Variants in PCDHGA2 observed in about 807,000 individuals in gnomAD.
The protein encoded by PCDHGA2 is protocadherin gamma subfamily A, 2.
Under a neutral mutation model 59.2 loss-of-function variants are expected in PCDHGA2, and 40 were observed. The ratio of observed to expected loss-of-function variants is 0.68; its 90% CI spans 0.52 to 0.88. The LOEUF is 0.88. PCDHGA2 is among the 40% of genes least tolerant of loss of function. PCDHGA2 has a pLI of 0.00. For missense variants in PCDHGA2, 1,226 were observed against 1,204.0 expected, an observed-to-expected ratio of 1.02 and a Z score of -0.27; for synonymous variants, 560 against 526.0, an observed-to-expected ratio of 1.06 and a Z score of -0.89.
chr5:141,467,715 G>C (rs904101145), intron 1 of PCDHGA2, among the ~76,000 whole-genome samples: 1 of 152,022 alleles, frequency 6.6e-6, no homozygotes, highest in Non-Finnish European at 1.5e-5. Flanking sequence ...AGGCTGGAGT[G>C]TAGTGGCACA....
chr5:141,384,191 C>T (rs376661364), intron 1 of PCDHGA2: 30 of 1,613,842 alleles, frequency 1.9e-5, no homozygotes, highest in Non-Finnish European at 2.5e-5. Context: ...GGAACTCCTC[C>T]CTTGTCCAGG....
At chr5:141,406,940 A>C (rs2094868445) in intron 1 of PCDHGA2, among the ~76,000 whole-genome samples, 1 of 152,212 alleles carries the variant, frequency 6.6e-6, no homozygotes, top group African/African-American at 2.4e-5. Context: ...ATTTAATGTT[A>C]TTTTAAACAT....
At chr5:141,428,100 G>C (rs1313410784) in intron 1 of PCDHGA2, 11 of 1,608,462 alleles carry the variant, frequency 6.8e-6, no homozygotes, top group Non-Finnish European at 9.3e-6. Context: ...GTCCTACCAC[G>C]TGCTGCAGGC....
intron 1 of PCDHGA2, chr5:141,423,381 G>T (rs2154550114): frequency 6.2e-7 from 1 of 1,614,204 alleles, no homozygotes; most frequent in East Asian, 2.2e-5. Flanking sequence ...TCAGGCTGTG[G>T]CGCTGGCATA....
intron 1 of PCDHGA2, chr5:141,376,296 C>T (rs769852070): frequency 1.2e-6 from 2 of 1,614,184 alleles, no homozygotes; most frequent in Non-Finnish European, 1.7e-6. Flanking sequence ...ATGCCCGGCT[C>T]GCACTTTGTG....
At chr5:141,479,619 T>C (rs1327758222) in intron 1 of PCDHGA2, 1 of 152,220 alleles carries the variant, frequency 6.6e-6, no homozygotes, top group Non-Finnish European at 1.5e-5. Flanking sequence ...AGGGAAACCA[T>C]GTCTCTTTAA....
chr5:141,487,864 C>A lies in PCDHGA2; in HGVS notation c.2425-6943C>A. On this transcript the variant is annotated intron_variant, in intron 1 of 3. Coordinates refer to ENST00000394576, the MANE Select transcript of PCDHGA2 (RefSeq NM_018915.4). The surrounding 1 kb of genome is among the most constrained non-coding windows in gnomAD (Gnocchi z 5.0). ...GTAAGAAATGAAAGTAATTGGTGAT[C>A]AAGAGCCAGGCTGTTGTGGAAGCAT... 1 of 899,610 alleles carries A rather than the reference C, an allele frequency of 1.1e-6. No individual in the cohort carries two copies. Among genetic ancestry groups the A allele is most frequent in the Non-Finnish European group, 1.7e-6 (1 of 599,584 alleles). The allele number at this position is 899,610 out of a possible 1,614,324, so 55.7% of individuals were successfully genotyped here.
Position 141,340,355 on chromosome 5 carries a change from C to G in PCDHGA2, c.1384C>G (p.Pro462Ala). 6.2e-7 allele frequency: 1 copy of G among 1,614,192 alleles called. No homozygotes were observed. The highest frequency in any genetic ancestry group is 8.5e-7 in the Non-Finnish European group (1 of 1,180,038). The change falls in exon 1 of 4, where the codon CCC becomes GCC. Residue 462 changes from proline (P) to alanine (A), a missense_variant. Coordinates refer to ENST00000394576, the MANE Select transcript of PCDHGA2 (RefSeq NM_018915.4). ...CCGCACATCCTACTCCACCTACATT[C>G]CCGAAAACAACCCCAGAGGAGCCTC... is the stretch of plus-strand genomic sequence containing the variant. ...FSRTSYSTYI[P>A]ENNPRGASVF... is the part of the protein sequence containing the mutation.
At chr5:141,341,711 A>G (rs573027340) in intron 1 of PCDHGA2, 28 of 494,704 alleles carry the variant, frequency 5.7e-5, no homozygotes, top group Admixed American at 1.5e-4. Context: ...CATCTCATCC[A>G]CCCAGATCAA....
intron 1 of PCDHGA2, chr5:141,378,636 G>A (rs1775063094): frequency 6.6e-6 from 1 of 152,168 alleles, no homozygotes; most frequent in African/African-American, 2.4e-5. Context: ...CTGGTGAATG[G>A]GAGAACAAAT....
intron 3 of PCDHGA2, 48 bp downstream of exon 3, chr5:141,505,529 T>C (rs1479433990): frequency 1.9e-6 from 3 of 1,612,066 alleles, no homozygotes; most frequent in Non-Finnish European, 2.5e-6. Context: ...CCTGGGGTTC[T>C]GGGGTGCATC....
In PCDHGA2 at chr5:141,487,869, G is replaced by T; in HGVS notation, c.2425-6938G>T. On this transcript the variant is annotated intron_variant, in intron 1 of 3. Transcript: ENST00000394576. This position sits in a 1 kb window ranked among gnomAD's most constrained non-coding sequence, Gnocchi z 5.0. ...AAATGAAAGTAATTGGTGATCAAGA[G>T]CCAGGCTGTTGTGGAAGCATGATGA... 1.1e-6 allele frequency: 1 copy of T among 871,620 alleles called. No individual in the cohort carries two copies. The highest frequency in any genetic ancestry group is 1.7e-6 in the Non-Finnish European group (1 of 574,346). The allele number at this position is 871,620 out of a possible 1,614,324, so 54.0% of individuals were successfully genotyped here. A position where few individuals can be genotyped will look rare whatever the true frequency, so the allele number is the denominator to read the frequency against.
chr5:141,359,616 T>A (rs1761268936), intron 1 of PCDHGA2, among the ~76,000 whole-genome samples: 2 of 152,006 alleles, frequency 1.3e-5, no homozygotes, highest in South Asian at 2.1e-4. Context: ...GAATATGGTA[T>A]GTTGTATGCT....
intron 2 of PCDHGA2, among the ~76,000 whole-genome samples, chr5:141,502,857 ACT>A (rs1332453483): frequency 7.7e-5 from 7 of 91,446 alleles, no homozygotes; most frequent in African/African-American, 4.1e-4. Flanking sequence ...CCTAACCCTG[ACT>A]CTCTGTCTTT....
rs776047060 is a variant in PCDHGA2, at chr5:141,393,622, A to T, written c.2424+52227A>T. The T allele has an allele frequency of 1.9e-6, 3 of 1,613,960 alleles. No individual in the cohort carries two copies. The Admixed American group carries it at 5.0e-5, about 27-fold the overall frequency. ...CTTACTGTAACAGCCAGCGACCCGG[A>T]TGAGGGAATCAACGGAAAAGTGGCA... On this transcript the variant is annotated intron_variant, in intron 1 of 3. Coordinates refer to ENST00000394576, the MANE Select transcript of PCDHGA2 (RefSeq NM_018915.4).
chr5:141,470,911 G>A (rs1208467445), intron 1 of PCDHGA2, among the ~76,000 whole-genome samples: 1 of 151,916 alleles, frequency 6.6e-6, no homozygotes, highest in Non-Finnish European at 1.5e-5. Context: ...AGATGGGACT[G>A]TCCCTATGTT....
chr5:141,506,228 A>T (rs538354130), intron 3 of PCDHGA2, among the ~76,000 whole-genome samples: 1 of 152,266 alleles, frequency 6.6e-6, no homozygotes, highest in East Asian at 1.9e-4. Context: ...AGGCAGGAGG[A>T]TCATGAGGTC....
At position 141,491,318 on chromosome 5, in the gene PCDHGA2, A is replaced by C; in HGVS notation, c.2425-3489A>C. The C allele has an allele frequency of 6.2e-7, 1 of 1,613,862 alleles. No individual in the cohort carries two copies. The highest frequency in any genetic ancestry group is 8.5e-7 in the Non-Finnish European group (1 of 1,179,916). On this transcript the variant is annotated intron_variant, in intron 1 of 3. Transcript: ENST00000394576. The surrounding 1 kb of genome is among the most constrained non-coding windows in gnomAD (Gnocchi z 6.9). ...CCTGAGCGTTCAGACCTTACCCTTT[A>C]CCTCATTGTGGCTCTAGCGACCGTC...
intron 1 of PCDHGA2, among the ~76,000 whole-genome samples, chr5:141,451,873 C>A (rs1425706652): frequency 1.3e-5 from 2 of 151,830 alleles, no homozygotes; most frequent in East Asian, 3.9e-4. Context: ...AGAATGAAAC[C>A]CTGTCAAGAA....
Sources: allele counts gnomAD v4.1 joint callset (sites outside exome capture counted in the v4.1 genomes callset), GRCh38; gene constraint gnomAD v4.1.1; non-coding constraint Gnocchi (gnomAD v3.1); transcripts MANE v1.5; gene names NCBI Gene and HGNC (gene_info 2026-07-23, HGNC 2026-07-21).